Variants in FAAH2 observed in about 807,000 individuals in gnomAD.
The protein encoded by FAAH2 is fatty-acid amide hydrolase 2.
A neutral mutation model predicts 36.9 loss-of-function variants in FAAH2; 60 were observed. That is an observed-to-expected ratio of 1.63 (90% confidence interval 1.32 to 2.02). The LOEUF (loss-of-function observed/expected upper bound fraction) is 2.02. FAAH2 is among the 30% of genes most tolerant of loss of function. The probability of loss-of-function intolerance (pLI) is 0.00; values close to 1 mark genes in which losing one functional copy is unlikely to be tolerated. For synonymous variants in FAAH2, 214 were observed against 143.8 expected (o/e 1.49, Z -3.49); for missense variants, 689 against 397.5 (o/e 1.73, Z -6.23).
At chrX:57,276,019 C>T in the FAAH2 span, among the ~76,000 whole-genome samples, 1 of 111,425 alleles carries the variant, frequency 9.0e-6, no homozygotes, top group Non-Finnish European at 1.9e-5. Flanking sequence ...ATCAATGAGA[C>T]AGAAGGTTAA....
the FAAH2 span, among the ~76,000 whole-genome samples, chrX:57,225,576 A>ACATCTATCTTG: frequency 9.0e-6 from 1 of 111,530 alleles, no homozygotes; most frequent in Admixed American, 9.5e-5. Flanking sequence ...TCTATCTTGG[A>ACATCTATCTTG]GAAGTTCCAT....
the FAAH2 span, among the ~76,000 whole-genome samples, chrX:57,192,691 G>A: frequency 2.5e-4 from 28 of 111,943 alleles, no homozygotes; most frequent in African/African-American, 9.1e-4. Context: ...TGGAAGGACT[G>A]GCTGAAGCCA....
the FAAH2 span, among the ~76,000 whole-genome samples, chrX:57,177,891 G>A: frequency 1.8e-5 from 2 of 110,192 alleles, no homozygotes; most frequent in South Asian, 7.7e-4. Flanking sequence ...GGAATGCTTG[G>A]CCTGCAGTCT....
At chrX:57,255,711 G>A in the FAAH2 span, among the ~76,000 whole-genome samples, 4 of 111,645 alleles carry the variant, frequency 3.6e-5, no homozygotes, top group Admixed American at 9.5e-5. Flanking sequence ...AAAGACCTTC[G>A]ACAAAAATTC....
the FAAH2 span, among the ~76,000 whole-genome samples, chrX:57,166,369 G>A: frequency 8.9e-6 from 1 of 111,869 alleles, no homozygotes; most frequent in South Asian, 3.8e-4. Context: ...ATAAACACAA[G>A]CCACCTGCAG....
intron 7 of FAAH2, among the ~76,000 whole-genome samples, chrX:57,381,334 G>C (rs1441632671): frequency 1.8e-5 from 2 of 111,398 alleles, no homozygotes; most frequent in Admixed American, 9.6e-5. Context: ...CTAATGTGTA[G>C]ATGTAAATTT....
intron 7 of FAAH2, among the ~76,000 whole-genome samples, chrX:57,412,123 G>A (rs1262189519): frequency 1.8e-5 from 2 of 111,384 alleles, no homozygotes; most frequent in South Asian, 3.7e-4. Context: ...ATTCCAAATC[G>A]ACTCTTCTAG....
chrX:57,368,080 G>A (rs2054462758), intron 5 of FAAH2, among the ~76,000 whole-genome samples: 2 of 110,674 alleles, frequency 1.8e-5, no homozygotes, highest in African/African-American at 6.6e-5. Flanking sequence ...ACTATTATGG[G>A]TCACTCCCCT....
At chrX:57,142,967 C>G in the FAAH2 span, among the ~76,000 whole-genome samples, 1 of 111,202 alleles carries the variant, frequency 9.0e-6, no homozygotes, top group African/African-American at 3.3e-5. Context: ...TATCTTTTTT[C>G]CATTCTTTAA....
the FAAH2 span, among the ~76,000 whole-genome samples, chrX:57,148,369 C>T: frequency 9.0e-5 from 10 of 111,593 alleles, no homozygotes; most frequent in Admixed American, 2.9e-4. Context: ...GCCATTTTCA[C>T]GATATTGATT....
chrX:57,416,540 A>G (rs1264653047), intron 7 of FAAH2, among the ~76,000 whole-genome samples: 3 of 111,987 alleles, frequency 2.7e-5, no homozygotes, highest in African/African-American at 9.8e-5. Context: ...TTTCTTTAAG[A>G]ATGCTGAATA....
intron 7 of FAAH2, among the ~76,000 whole-genome samples, chrX:57,384,802 T>G (rs1373046076): frequency 8.9e-6 from 1 of 111,760 alleles, no homozygotes; most frequent in East Asian, 2.8e-4. Flanking sequence ...AAATACCATT[T>G]GACCCAGCCA....
chrX:57,476,542 G>C (rs897504993), intron 10 of FAAH2, among the ~76,000 whole-genome samples: 14 of 111,201 alleles, frequency 1.3e-4, no homozygotes, highest in African/African-American at 4.3e-4. Flanking sequence ...AAGCCGACTT[G>C]ATCATGGTTT....
At chrX:57,221,817 C>G in the FAAH2 span, among the ~76,000 whole-genome samples, 3 of 110,117 alleles carry the variant, frequency 2.7e-5, no homozygotes, top group South Asian at 1.2e-3. Context: ...TTCATGTGAG[C>G]TCACCTGGTG....
the FAAH2 span, among the ~76,000 whole-genome samples, chrX:57,200,411 G>T: frequency 1.1e-5 from 1 of 94,180 alleles, no homozygotes; most frequent in Non-Finnish European, 2.1e-5. Context: ...ACAGAATCTC[G>T]TTCTGTCACC....
intron 7 of FAAH2, among the ~76,000 whole-genome samples, chrX:57,382,790 A>T (rs1390394931): frequency 9.9e-5 from 11 of 111,456 alleles, no homozygotes; most frequent in Admixed American, 9.5e-4. Context: ...TATTCCAATC[A>T]ATAGAAAAAG....
rs182513800 is a variant in FAAH2 at position 57,452,169 on chromosome X, T to C, written c.1423+3451T>C. ...AAGATCTCTTGGACCATTTATATCC[T>C]GAGATGAACAGCATTGGCCATACAG... On this transcript the variant is annotated intron_variant, in intron 10 of 10. Transcript: ENST00000374900. 28 of 752,960 alleles carry C rather than the reference T, an allele frequency of 3.7e-5. No individual in the cohort carries two copies. The Admixed American group carries it at 5.3e-4, about 14-fold the overall frequency. The allele number at this position is 752,960 out of a possible 1,213,427, so 62.1% of individuals were successfully genotyped here.
At chrX:57,243,520 G>A in the FAAH2 span, among the ~76,000 whole-genome samples, 223 of 112,024 alleles carry the variant, frequency 2.0e-3, no homozygotes, top group Non-Finnish European at 3.2e-3. Context: ...TCTGGAGGGT[G>A]CCCCTCTGGG....
chrX:57,374,904 G>T (rs756979601), intron 5 of FAAH2, among the ~76,000 whole-genome samples: 3 of 111,239 alleles, frequency 2.7e-5, no homozygotes, highest in African/African-American at 9.8e-5. Flanking sequence ...TTTTGCTGAG[G>T]GTTTTAATCA....
Sources: allele counts gnomAD v4.1 joint callset (sites outside exome capture counted in the v4.1 genomes callset), GRCh38; gene constraint gnomAD v4.1.1; transcripts MANE v1.5; gene names NCBI Gene and HGNC (gene_info 2026-07-23, HGNC 2026-07-21).